PLEKHA6: variants seen among roughly 807,000 people sequenced by gnomAD.
PLEKHA6 encodes pleckstrin homology domain-containing family A member 6.
Under a neutral mutation model 116.7 loss-of-function variants are expected in PLEKHA6, and 60 were observed. The observed-to-expected ratio is 0.51, with a 90% confidence interval of 0.42 to 0.64. The LOEUF (loss-of-function observed/expected upper bound fraction) is 0.64. Among genes scored for constraint, PLEKHA6 ranks in the 30% least tolerant of loss-of-function variants. The pLI is 0.00. For synonymous variants in PLEKHA6, 489 were observed against 556.1 expected (o/e 0.88, Z 1.70); for missense variants, 1,338 against 1,422.7 (o/e 0.94, Z 0.96).
chr1:204,357,468 C>CT (rs924623415), intron 1 of PLEKHA6, among the ~76,000 whole-genome samples: 1 of 152,186 alleles, frequency 6.6e-6, no homozygotes, highest in Admixed American at 6.5e-5. Context: ...AAAATATAGT[C>CT]TTTTTTTCCT....
In PLEKHA6 at chr1:204,238,491, A is replaced by G. The variant is rs1335693214; in HGVS notation, c.2409+2884T>C. On this transcript the variant is annotated intron_variant, in intron 17 of 22. Coordinates refer to ENST00000272203, the MANE Select transcript of PLEKHA6 (RefSeq NM_014935.5). This position sits in a 1 kb window ranked among gnomAD's most constrained non-coding sequence, Gnocchi z 4.2. ...CACCATGCGACCTGAACTGCCTATC[A>G]TGAACAGGGTGCTTTCTGACCCATC... 6.6e-6 allele frequency among the ~76,000 whole-genome samples: 1 copy of G among 152,248 alleles called. No individual in the cohort carries two copies. Among genetic ancestry groups the G allele is most frequent in the Non-Finnish European group, 1.5e-5 (1 of 68,050 alleles).
In PLEKHA6 at chr1:204,306,425, C is replaced by T. The variant is rs532928351; in HGVS notation, c.-94-31616G>A. On this transcript the variant is annotated intron_variant, in intron 1 of 22. Coordinates refer to ENST00000272203, the MANE Select transcript of PLEKHA6 (RefSeq NM_014935.5). ...CCCACCATCCACCAATCACCTGTCT[C>T]GCCCAAATTTCTGCTTTCAGGCAAA... Among the ~76,000 whole-genome samples, 17 of 152,314 alleles carry T rather than the reference C, an allele frequency of 1.1e-4. 1 individual carries two copies. The South Asian group carries it at 2.1e-3, about 19-fold the overall frequency.
chr1:204,355,510 G>A (rs1457380124), intron 1 of PLEKHA6, among the ~76,000 whole-genome samples: 2 of 152,180 alleles, frequency 1.3e-5, no homozygotes, highest in African/African-American at 2.4e-5. Context: ...CACGATCTCG[G>A]CTCACTGCAA....
intron 1 of PLEKHA6, among the ~76,000 whole-genome samples, chr1:204,335,545 G>A (rs1236627107): frequency 1.3e-5 from 2 of 152,032 alleles, no homozygotes; most frequent in African/African-American, 4.8e-5. Context: ...ACCTCTCCCT[G>A]CTCTTTGCCA....
intron 1 of PLEKHA6, among the ~76,000 whole-genome samples, chr1:204,343,623 A>G (rs1672923757): frequency 6.6e-6 from 1 of 152,164 alleles, no homozygotes; most frequent in African/African-American, 2.4e-5. Context: ...AACTGGTACC[A>G]CCGTGTGGAA....
At chr1:204,229,203 T>G in intron 18 of PLEKHA6, 99 bp from the exon 19 acceptor site, 2 of 1,167,044 alleles carry the variant, frequency 1.7e-6, no homozygotes, top group Non-Finnish European at 2.4e-6. Context: ...GCTCGCCTGA[T>G]CTAGCTGCCA....
In PLEKHA6 at chr1:204,261,652, C is replaced by A; in HGVS notation, c.382-204G>T. 1.7e-6 allele frequency: 1 copy of A among 586,318 alleles called. No individual in the cohort carries two copies. The highest frequency in any genetic ancestry group is 2.3e-5 in the South Asian group (1 of 42,848). The allele number at this position is 586,318 out of a possible 1,614,324, so 36.3% of individuals were successfully genotyped here. A position where few individuals can be genotyped will look rare whatever the true frequency, so the allele number is the denominator to read the frequency against. On this transcript the variant is annotated intron_variant, in intron 6 of 22. Transcript: ENST00000272203. This position sits in a 1 kb window ranked among gnomAD's most constrained non-coding sequence, Gnocchi z 4.0. Reference sequence around the variant, plus strand: ...CCCCGAGGGTTCCAGCTGGTACCCACGTATCCACCTTGGCTGGCTCTCTGG... The same window carrying A: ...CCCCGAGGGTTCCAGCTGGTACCCAAGTATCCACCTTGGCTGGCTCTCTGG...
At chr1:204,246,524 G>A (rs946752131) in intron 13 of PLEKHA6, among the ~76,000 whole-genome samples, 1 of 152,200 alleles carries the variant, frequency 6.6e-6, no homozygotes, top group East Asian at 1.9e-4. Flanking sequence ...TACCTAACCA[G>A]CTGCAAGGTA....
At chr1:204,242,709 G>A in intron 15 of PLEKHA6, among the ~76,000 whole-genome samples, 1 of 152,322 alleles carries the variant, frequency 6.6e-6, no homozygotes, top group South Asian at 2.1e-4. Context: ...CAAAGTGGAG[G>A]CAGAGAGACA....
At chr1:204,285,695 A>G (rs1220937582) in intron 1 of PLEKHA6, among the ~76,000 whole-genome samples, 1 of 152,104 alleles carries the variant, frequency 6.6e-6, no homozygotes, top group African/African-American at 2.4e-5. Flanking sequence ...CAGGCTCATT[A>G]TTTTTAAATC....
chr1:204,229,091 C>T lies in PLEKHA6; in HGVS notation c.2597G>A (p.Arg866His), dbSNP rs749169337. ...GGAGATGTCTACCTCATGGATGCTG[C>T]GGTGGCGGCGCACCTAGGGGACAGC... is the stretch of plus-strand genomic sequence containing the variant. ...RPAYKVVRRH[R>H]SIHEVDISNL... Residue 866 changes from arginine (R) to histidine (H), a missense_variant, in exon 19 of 23, where the codon CGC becomes CAC. This residue lies in a region of PLEKHA6 where 1,136 missense variants were observed against 1,163.6 expected (regional missense o/e 0.98). Transcript: ENST00000272203. The T allele has an allele frequency of 3.0e-5, 49 of 1,612,816 alleles. No homozygotes were observed. Among genetic ancestry groups the T allele is most frequent in the Non-Finnish European group, 3.3e-5 (39 of 1,179,788 alleles).
At chr1:204,360,304 T>C (rs1166613127), upstream of PLEKHA6, among the ~76,000 whole-genome samples, 3 of 149,140 alleles carry the variant, frequency 2.0e-5, no homozygotes, top group African/African-American at 7.8e-5. Flanking sequence ...TTCACCTCTG[T>C]GGCTGTCTAC....
intron 1 of PLEKHA6, 162 bp from the exon 2 acceptor site, chr1:204,274,971 G>A: frequency 1.2e-6 from 1 of 859,092 alleles, no homozygotes; most frequent in Non-Finnish European, 1.4e-6. Context: ...GCTGACATCT[G>A]GATGAGGGTG....
At chr1:204,241,514 T>C in intron 16 of PLEKHA6, 33 bp from the exon 17 acceptor site, 1 of 1,491,394 alleles carries the variant, frequency 6.7e-7, no homozygotes, top group Non-Finnish European at 9.1e-7. Flanking sequence ...GTGGGCCTCA[T>C]GGAGAGCAGG....
intron 3 of PLEKHA6, among the ~76,000 whole-genome samples, chr1:204,366,408 CAAAAGA>C (rs1399502489): frequency 2.0e-5 from 3 of 151,338 alleles, no homozygotes; most frequent in Non-Finnish European, 4.4e-5. Flanking sequence ...GGAGGAGGAA[CAAAAGA>C]AAAAGAAAAA....
At chr1:204,329,861 C>T (rs1316626623) in intron 1 of PLEKHA6, among the ~76,000 whole-genome samples, 1 of 150,316 alleles carries the variant, frequency 6.7e-6, no homozygotes, top group Non-Finnish European at 1.5e-5. Context: ...TTGAGACCAG[C>T]CTGGGTAACA....
At chr1:204,330,624 GGCT>G in intron 1 of PLEKHA6, among the ~76,000 whole-genome samples, 1 of 152,286 alleles carries the variant, frequency 6.6e-6, no homozygotes, top group Non-Finnish European at 1.5e-5. Context: ...AGAACCCTCA[GGCT>G]GTTCTTCCCT....
chr1:204,329,743 C>G (rs576639038), intron 1 of PLEKHA6, among the ~76,000 whole-genome samples: 4 of 152,048 alleles, frequency 2.6e-5, no homozygotes, highest in African/African-American at 9.7e-5. Context: ...AAATCCAGAA[C>G]GTGAAAAACT....
intron 1 of PLEKHA6, among the ~76,000 whole-genome samples, chr1:204,281,516 T>C (rs1405666215): frequency 3.4e-5 from 5 of 147,242 alleles, no homozygotes; most frequent in Admixed American, 1.4e-4. Context: ...CAGACAGAGA[T>C]TCCGTCTCAA....
Sources: gnomAD v4.1 joint callset for allele counts (sites outside exome capture counted in the v4.1 genomes callset) on GRCh38, gnomAD v4.1.1 for gene constraint, gnomAD v4.1.1 regional missense constraint, Gnocchi (gnomAD v3.1) non-coding constraint, MANE v1.5 for transcripts, NCBI Gene and HGNC (gene_info 2026-07-23, HGNC 2026-07-21) for gene names.